Variants in TTC14 observed in about 807,000 individuals in gnomAD.
TTC14 encodes tetratricopeptide repeat protein 14.
A neutral mutation model predicts 79.9 loss-of-function variants in TTC14; 63 were observed. That is an observed-to-expected ratio of 0.79 (90% confidence interval 0.64 to 0.97). TTC14 has a LOEUF of 0.97. Ranked by LOEUF, TTC14 falls within the 50% of genes least tolerant of loss-of-function variation. The pLI is 0.00. For synonymous variants in TTC14, 335 were observed against 309.6 expected (o/e 1.08, Z -0.86); for missense variants, 895 against 894.0 (o/e 1.00, Z -0.01).
intron 12 of TTC14, chr3:180,616,784 A>G (rs1164548153): frequency 6.3e-7 from 1 of 1,593,818 alleles, no homozygotes; most frequent in Non-Finnish European, 8.6e-7. Context: ...GGGACTTCAA[A>G]AATGTAAATA....
At position 180,606,497 on chromosome 3, in the gene TTC14, A is replaced by G. The variant is rs1409520423; in HGVS notation, c.1066A>G (p.Ser356Gly). The G allele has an allele frequency of 1.2e-6, 2 of 1,613,922 alleles. No homozygotes were observed. The highest frequency in any genetic ancestry group is 1.1e-5 in the South Asian group (1 of 91,026). The change falls in exon 9 of 12, where the codon AGT becomes GGT. Residue 356 changes from serine to glycine, a missense_variant. Transcript: ENST00000296015. ...TGTCTCTAGATATGCGACAAAAGGA[A>G]GTTTGAACAAAGCAATAGAAGATTT... is the stretch of plus-strand genomic sequence containing the variant. ...ARGALYATKG[S>G]LNKAIEDFEL...
chr3:180,602,635 T>C (rs922446139), intron 1 of TTC14: 1 of 723,504 alleles, frequency 1.4e-6, no homozygotes, highest in African/African-American at 1.8e-5. Context: ...CACTGCTTGG[T>C]AGAGGCGCAG....
rs541915566 is a variant in TTC14, at chr3:180,602,671, C to T, written c.162-220C>T. The T allele has an allele frequency of 3.7e-5, 26 of 708,738 alleles. 1 individual carries two copies. The highest frequency in any genetic ancestry group is 2.5e-4 in the African/African-American group (14 of 55,768). 43.9% of individuals were successfully genotyped at this position (708,738 alleles called of 1,614,324 possible). A position where few individuals can be genotyped will look rare whatever the true frequency, so the allele number is the denominator to read the frequency against. ...ATTCCTTAGCTAAAAATCCCTTGAG[C>T]TTTCCTATCTGAGTTGGAGGCGTCA... On this transcript the variant is annotated intron_variant, in intron 1 of 11. Transcript: ENST00000296015.
Position 180,607,550 on chromosome 3 carries a change from T to C in TTC14, c.1173-98T>C. 2.2e-6 allele frequency: 3 copies of C among 1,385,924 alleles called. No homozygotes were observed. In the Admixed American group the frequency reaches 9.0e-5, roughly 42 times the overall value. The allele number at this position is 1,385,924 out of a possible 1,614,324, so 85.9% of individuals were successfully genotyped here. A position where few individuals can be genotyped will look rare whatever the true frequency, so the allele number is the denominator to read the frequency against. ...TTTGGAAAATAATTTACTTGGCTTT[T>C]CCCTAATAAGCTCTCTCATATAAGC... On this transcript the variant is annotated intron_variant, in intron 9 of 11. Transcript: ENST00000296015.
chr3:180,610,557 C>G lies in TTC14; in HGVS notation c.*15C>G. The stretch of plus-strand genomic sequence containing the variant: ...CAAAAAATTAATACACCAAGGATAT[C>G]GGCACCATTACACAAAATGCCATTA... On this transcript the variant is annotated 3_prime_UTR_variant, in exon 12 of 12. Coordinates refer to ENST00000296015, the MANE Select transcript of TTC14 (RefSeq NM_133462.4). The G allele has an allele frequency of 2.6e-6, 4 of 1,541,936 alleles. No homozygotes were observed. The highest frequency in any genetic ancestry group is 2.6e-6 in the Non-Finnish European group (3 of 1,152,284).
At chr3:180,617,579 T>A in exon 13 of TTC14, 2 of 468,860 alleles carry the variant, frequency 4.3e-6, no homozygotes, top group Non-Finnish European at 7.6e-6. Context: ...CTTAGGTTTA[T>A]GTGTGTGTAT....
chr3:180,603,170 T>C lies in TTC14; in HGVS notation c.333T>C (p.Pro111=), dbSNP rs1388681786. The C allele has an allele frequency of 1.2e-6, 2 of 1,614,128 alleles. No individual in the cohort carries two copies. Among genetic ancestry groups the C allele is most frequent in the Non-Finnish European group, 1.7e-6 (2 of 1,180,020 alleles). The change falls in exon 3 of 12, where the codon CCT becomes CCC. Residue 111 remains proline, a synonymous_variant. Coordinates refer to ENST00000296015, the MANE Select transcript of TTC14 (RefSeq NM_133462.4). ...CTTTAGAGCAATTCATGGAGATACC[T>C]AGTATGGATCGGAGAGAGCTGTTTT... ...MPPLEQFMEI[P]SMDRRELFFR...
At chr3:180,612,085 T>TAAG (rs1717015508), downstream of TTC14, among the ~76,000 whole-genome samples, 1 of 151,692 alleles carries the variant, frequency 6.6e-6, no homozygotes, top group South Asian at 2.1e-4. Flanking sequence ...GAAGCTTCTT[T>TAAG]AAGAAATTCA....
downstream of TTC14, among the ~76,000 whole-genome samples, chr3:180,611,994 A>G (rs994097446): frequency 6.6e-6 from 1 of 152,202 alleles, no homozygotes; most frequent in African/African-American, 2.4e-5. Context: ...GGAACAGTGA[A>G]AAGAAACCCT....
Position 180,602,246 on chromosome 3 carries a change from C to T in TTC14, c.-16C>T. On this transcript the variant is annotated 5_prime_UTR_variant, in exon 1 of 12. Coordinates refer to ENST00000296015, the MANE Select transcript of TTC14 (RefSeq NM_133462.4). The stretch of plus-strand genomic sequence containing the variant: ...ACTATCAGCCCGTCGGCCTCCGGGC[C>T]CTGCATTCTCTAGCCATGGACCGGG... 2.5e-6 allele frequency: 4 copies of T among 1,613,266 alleles called. No homozygotes were observed. The highest frequency in any genetic ancestry group is 3.4e-6 in the Non-Finnish European group (4 of 1,179,722).
At chr3:180,615,189 T>G, downstream of TTC14, 1 of 717,230 alleles carries the variant, frequency 1.4e-6, no homozygotes, top group Non-Finnish European at 2.2e-6. Context: ...ATCAAAAAAG[T>G]ACATATTAAT....
Position 180,610,255 on chromosome 3 carries a change from G to C in TTC14, c.2026G>C (p.Glu676Gln). ...GCATTCTACCTCACCAGCAAGCTCA[G>C]AATACTCTTGGAAGTCAGTTGAGAA... is the stretch of plus-strand genomic sequence containing the variant. The part of the protein sequence containing the change: ...VRHSTSPASS[E>Q]YSWKSVEKYK... Residue 676 changes from glutamate (E) to glutamine (Q), a missense_variant, in exon 12 of 12, where the codon GAA becomes CAA. Glu to Gln is a conservative substitution (Grantham distance 29). Transcript: ENST00000296015. 1.2e-6 allele frequency: 2 copies of C among 1,613,972 alleles called. No individual in the cohort carries two copies. Among genetic ancestry groups the C allele is most frequent in the African/African-American group, 2.7e-5 (2 of 75,024 alleles).
At chr3:180,617,659 G>C in exon 13 of TTC14, 1 of 398,526 alleles carries the variant, frequency 2.5e-6, no homozygotes, top group East Asian at 3.5e-5. Context: ...TAGAGAATAA[G>C]GATATAAAGA....
Position 180,610,054 on chromosome 3 carries a change from G to A in TTC14, c.1825G>A (p.Gly609Ser). The A allele has an allele frequency of 3.1e-6, 5 of 1,613,984 alleles. No homozygotes were observed. Among genetic ancestry groups the A allele is most frequent in the Non-Finnish European group, 3.4e-6 (4 of 1,179,934 alleles). The change falls in exon 12 of 12, where the codon GGT becomes AGT. Residue 609 changes from glycine to serine, a missense_variant. Coordinates refer to ENST00000296015, the MANE Select transcript of TTC14 (RefSeq NM_133462.4). Reference protein sequence around the residue: ...DFYNSYKTQAGSSKTEKPYKS... With the variant: ...DFYNSYKTQASSSKTEKPYKS... ...TTATAACAGCTATAAAACCCAAGCA[G>A]GTAGTAGCAAAACAGAAAAGCCATA...
downstream of TTC14, among the ~76,000 whole-genome samples, chr3:180,615,616 T>A (rs1359814478): frequency 1.3e-5 from 2 of 152,054 alleles, no homozygotes; most frequent in East Asian, 3.9e-4. Flanking sequence ...AATGAAACAC[T>A]TTTTTTAGGG....
chr3:180,604,421 T>A (rs993599789), intron 4 of TTC14, 57 bp from the exon 5 acceptor site: 94 of 1,555,068 alleles, frequency 6.0e-5, no homozygotes, highest in Non-Finnish European at 8.0e-5. Context: ...TTATATTTTT[T>A]ATGTTAGTTT....
At chr3:180,607,858 A>C in intron 10 of TTC14, 93 bp downstream of exon 10, 1 of 1,536,592 alleles carries the variant, frequency 6.5e-7, no homozygotes, top group Non-Finnish European at 8.7e-7. Context: ...ACATTACTTA[A>C]GTAAGGCATT....
chr3:180,610,067 C>A lies in TTC14; in HGVS notation c.1838C>A (p.Thr613Lys), dbSNP rs1266294373. Residue 613 changes from threonine (T) to lysine (K), a missense_variant, in exon 12 of 12, where the codon ACA becomes AAA. Transcript: ENST00000296015. ...AAAACCCAAGCAGGTAGTAGCAAAA[C>A]AGAAAAGCCATATAAATCAGAAAGA... ...SYKTQAGSSK[T>K]EKPYKSERHF... is the part of the protein sequence containing the mutation. 2 of 1,613,826 alleles carry A rather than the reference C, an allele frequency of 1.2e-6. No individual in the cohort carries two copies. Among genetic ancestry groups the A allele is most frequent in the South Asian group, 1.1e-5 (1 of 91,056 alleles).
At position 180,602,232 on chromosome 3, in the gene TTC14, G is replaced by T. The variant is rs770495961; in HGVS notation, c.-30G>T. The T allele has an allele frequency of 6.2e-7, 1 of 1,611,014 alleles. No homozygotes were observed. Among genetic ancestry groups the T allele is most frequent in the African/African-American group, 1.3e-5 (1 of 74,894 alleles). ...ACACGGAACAGGGAACTATCAGCCC[G>T]TCGGCCTCCGGGCCCTGCATTCTCT... On this transcript the variant is annotated 5_prime_UTR_variant, in exon 1 of 12. Transcript: ENST00000296015.
Sources: allele counts gnomAD v4.1 joint callset (sites outside exome capture counted in the v4.1 genomes callset), GRCh38; gene constraint gnomAD v4.1.1; transcripts MANE v1.5; gene names NCBI Gene and HGNC (gene_info 2026-07-23, HGNC 2026-07-21).